ABCC10: variants seen among roughly 807,000 people sequenced by gnomAD.
The protein encoded by ABCC10 is ATP-binding cassette sub-family C member 10.
ABCC10 carries 110 observed loss-of-function variants against 143.2 expected under a neutral mutation model. The ratio of observed to expected loss-of-function variants is 0.77; its 90% CI spans 0.66 to 0.90. ABCC10 has a LOEUF of 0.90. ABCC10 is among the 40% of genes least tolerant of loss of function. ABCC10 has a pLI of 0.00. For missense variants in ABCC10, 1,700 were observed against 1,900.5 expected, an observed-to-expected ratio of 0.89 and a Z score of 1.96; for synonymous variants, 805 against 846.7, an observed-to-expected ratio of 0.95 and a Z score of 0.85.
At position 43,432,719 on chromosome 6, in the gene ABCC10, A is replaced by G. The variant is rs1322778023; in HGVS notation, c.739A>G (p.Ile247Val). The change falls in exon 3 of 22, where the codon ATT becomes GTT. Residue 247 changes from isoleucine to valine, a missense_variant. By Grantham distance (29) the Ile-to-Val change is conservative (BLOSUM62 3). Coordinates refer to ENST00000372530, the MANE Select transcript of ABCC10 (RefSeq NM_001198934.2). ...ACGELRQPQD[I>V]CRLPHRLQPT... ...TGGAGAGCTCCGGCAGCCTCAGGAC[A>G]TTTGCCGCCTCCCCCACAGACTGCA... 4.3e-6 allele frequency: 7 copies of G among 1,613,970 alleles called. No individual in the cohort carries two copies. The highest frequency in any genetic ancestry group is 1.1e-5 in the South Asian group (1 of 91,088).
intron 11 of ABCC10, 48 bp downstream of exon 11, chr6:43,444,058 T>C (rs377302043): frequency 1.9e-5 from 30 of 1,609,012 alleles, no homozygotes; most frequent in Admixed American, 1.7e-5. Context: ...CCTGCCACAC[T>C]GTAGAGCTTT....
chr6:43,438,145 G>GT, intron 7 of ABCC10, 132 bp downstream of exon 7: 2 of 1,092,260 alleles, frequency 1.8e-6, no homozygotes, highest in South Asian at 2.9e-5. Context: ...TATTGGGAGA[G>GT]TTTTCAATCT....
chr6:43,450,829 G>T (rs779020246), downstream of ABCC10: 25 of 1,614,028 alleles, frequency 1.5e-5, no homozygotes, highest in Non-Finnish European at 2.0e-5. This position sits in a 1 kb window ranked among gnomAD's most constrained non-coding sequence, Gnocchi z 4.5. Context: ...ACTGAGATCC[G>T]CAGCAGACCA....
At chr6:43,435,148 G>A in intron 4 of ABCC10, 1 of 326,714 alleles carries the variant, frequency 3.1e-6, no homozygotes, top group Non-Finnish European at 5.6e-6. Context: ...AATGTATGAT[G>A]CAATCCTGGG....
In ABCC10 at chr6:43,438,739, G is replaced by C; in HGVS notation, c.2071G>C (p.Asp691His). The C allele has an allele frequency of 6.2e-7, 1 of 1,614,242 alleles. No individual in the cohort carries two copies. The highest frequency in any genetic ancestry group is 1.1e-5 in the South Asian group (1 of 91,082). The change falls in exon 8 of 22, where the codon GAT becomes CAT. Residue 691 changes from aspartate to histidine, a missense_variant. By Grantham distance (81) the Asp-to-His change is moderately conservative. Coordinates refer to ENST00000372530, the MANE Select transcript of ABCC10 (RefSeq NM_001198934.2). ...RDNILFGKTF[D>H]AQLYKEVLEA... is the part of the protein sequence containing the mutation. ...CAACATCCTCTTTGGGAAGACATTT[G>C]ATGCACAGCTGTACAAGGAGGTGCT...
At chr6:43,446,756 C>T (rs955543626) in intron 16 of ABCC10, 416 of 1,222,870 alleles carry the variant, frequency 3.4e-4, no homozygotes, top group Middle Eastern at 9.5e-4. Context: ...TGCCGTCCCT[C>T]CCAGCTTCTC....
Position 43,446,338 on chromosome 6 carries a change from G to A in ABCC10, c.3436G>A (p.Ala1146Thr). Residue 1146 changes from alanine to threonine, a missense_variant, in exon 16 of 22, where the codon GCC becomes ACC. Ala to Thr is a moderately conservative substitution (Grantham distance 58). Transcript: ENST00000372530. Reference sequence around the variant, plus strand: ...CCAGAGGTGCCAGTTTGCCACCAGTGCCACAATGCAGTGGCTGGACATTCG... The same window carrying A: ...CCAGAGGTGCCAGTTTGCCACCAGTACCACAATGCAGTGGCTGGACATTCG... Reference protein sequence around the residue: ...LNQRCQFATSATMQWLDIRLQ... With the variant: ...LNQRCQFATSTTMQWLDIRLQ... 6.2e-7 allele frequency: 1 copy of A among 1,613,946 alleles called. No individual in the cohort carries two copies. The highest frequency in any genetic ancestry group is 8.5e-7 in the Non-Finnish European group (1 of 1,179,950).
chr6:43,447,063 G>T, intron 16 of ABCC10, 185 bp from the exon 17 acceptor site: 1 of 860,264 alleles, frequency 1.2e-6, no homozygotes. Context: ...GGCCAGGCTG[G>T]TCTCAAACTC....
At chr6:43,438,314 T>C (rs1781972844) in intron 7 of ABCC10, 2 of 1,389,910 alleles carry the variant, frequency 1.4e-6, no homozygotes, top group African/African-American at 2.9e-5. Context: ...GAGCATAGGT[T>C]TGAGGGAGGA....
chr6:43,449,363 C>T, intron 20 of ABCC10, 59 bp from the exon 21 acceptor site: 1 of 1,539,890 alleles, frequency 6.5e-7, no homozygotes, highest in Non-Finnish European at 8.9e-7. Context: ...TGGGCCAGGC[C>T]CAACCCACCC....
intron 8 of ABCC10, among the ~76,000 whole-genome samples, chr6:43,439,876 C>CCGGCCCAGCTTTCG (rs1782171790): frequency 6.6e-6 from 1 of 152,026 alleles, no homozygotes; most frequent in Non-Finnish European, 1.5e-5. Flanking sequence ...GCCACCGCGC[C>CCGGCCCAGCTTTCG]TGGCCTACTA....
intron 6 of ABCC10, 76 bp from the exon 7 acceptor site, chr6:43,437,858 A>G (rs1382826052): frequency 7.0e-6 from 10 of 1,436,722 alleles, no homozygotes; most frequent in Middle Eastern, 1.9e-4. Context: ...GGCAGCCCAG[A>G]GTGTCAAGAG....
chr6:43,446,075 CAGA>C (rs958964325), intron 15 of ABCC10, 133 bp downstream of exon 15: 17 of 1,206,656 alleles, frequency 1.4e-5, no homozygotes, highest in Admixed American at 2.7e-5. Flanking sequence ...AGGAAAGCAA[CAGA>C]AGAAGGAGAT....
At position 43,444,351 on chromosome 6, in the gene ABCC10, A is replaced by T; in HGVS notation, c.2687A>T (p.Gln896Leu). 1 of 1,604,006 alleles carries T rather than the reference A, an allele frequency of 6.2e-7. No individual in the cohort carries two copies. The highest frequency in any genetic ancestry group is 8.5e-7 in the Non-Finnish European group (1 of 1,175,454). ...ATCCTCTTCTCTCTGCTTCTCATGC[A>T]AGGTGAGAGCGTGCCTGGGAGTCTC... is the stretch of plus-strand genomic sequence containing the variant. ...LAILFSLLLM[Q>L]ATRNAADWWL... Residue 896 changes from glutamine (Q) to leucine (L), a missense_variant and splice_region_variant, in exon 12 of 22, where the codon CAA becomes CTA. Physicochemically the swap from Gln to Leu is moderately radical, Grantham distance 113. Coordinates refer to ENST00000372530, the MANE Select transcript of ABCC10 (RefSeq NM_001198934.2).
At chr6:43,450,848 G>A (rs1413978304), downstream of ABCC10, 15 of 1,614,186 alleles carry the variant, frequency 9.3e-6, no homozygotes, top group Non-Finnish European at 1.2e-5. This position sits in a 1 kb window ranked among gnomAD's most constrained non-coding sequence, Gnocchi z 4.5. Context: ...CAGCCCCTGC[G>A]CTGTGGGGGG....
downstream of ABCC10, chr6:43,451,943 G>A: frequency 1.9e-6 from 3 of 1,614,004 alleles, no homozygotes; most frequent in Non-Finnish European, 2.5e-6. The surrounding 1 kb of genome is among the most constrained non-coding windows in gnomAD (Gnocchi z 4.4). Flanking sequence ...CACTCACCCT[G>A]CCTGTTCACA....
intron 17 of ABCC10, 101 bp from the exon 18 acceptor site, chr6:43,447,583 C>G: frequency 6.4e-7 from 1 of 1,570,048 alleles, no homozygotes; most frequent in African/African-American, 1.3e-5. Flanking sequence ...TCTCATTCCT[C>G]TCACACTGTC....
chr6:43,443,149 C>T lies in ABCC10; in HGVS notation c.2406C>T (p.Leu802=). 6.3e-7 allele frequency: 1 copy of T among 1,598,036 alleles called. No individual in the cohort carries two copies. The highest frequency in any genetic ancestry group is 8.5e-7 in the Non-Finnish European group (1 of 1,176,778). Residue 802 remains leucine, a synonymous_variant, in exon 10 of 22, where the codon CTC becomes CTT. Coordinates refer to ENST00000372530, the MANE Select transcript of ABCC10 (RefSeq NM_001198934.2). The surrounding 1 kb of genome is among the most constrained non-coding windows in gnomAD (Gnocchi z 4.2). ...DAVLLMEAGR[L]IRAGPPSEIL... Reference sequence around the variant, plus strand: ...TGCTGCTGATGGAGGCCGGGCGCCTCATCCGGGCTGGTAATGGGGGCAGGA... The same window carrying T: ...TGCTGCTGATGGAGGCCGGGCGCCTTATCCGGGCTGGTAATGGGGGCAGGA...
rs1278612089 is a variant in ABCC10 at position 43,444,365 on chromosome 6, C to T, written c.2689+12C>T. On this transcript the variant is annotated intron_variant, in intron 12 of 21. Transcript: ENST00000372530. ...GCTTCTCATGCAAGGTGAGAGCGTG[C>T]CTGGGAGTCTCTTACATCGTAACGG... 6.3e-7 allele frequency: 1 copy of T among 1,589,890 alleles called. No individual in the cohort carries two copies. The highest frequency in any genetic ancestry group is 2.2e-5 in the East Asian group (1 of 44,706).
Sources: allele counts gnomAD v4.1 joint callset (sites outside exome capture counted in the v4.1 genomes callset), GRCh38; gene constraint gnomAD v4.1.1; non-coding constraint Gnocchi (gnomAD v3.1); transcripts MANE v1.5; gene names NCBI Gene and HGNC (gene_info 2026-07-23, HGNC 2026-07-21).